The following CHP1 variants were observed in gnomAD, a reference collection of about 807,000 sequenced individuals.
The protein encoded by CHP1 is calcineurin B homologous protein 1.
A neutral mutation model predicts 27.4 loss-of-function variants in CHP1; 11 were observed. The ratio of observed to expected loss-of-function variants is 0.40; its 90% CI spans 0.25 to 0.67. CHP1 has a LOEUF of 0.67. Ranked by LOEUF, CHP1 falls within the 30% of genes least tolerant of loss-of-function variation. CHP1 has a pLI of 0.38. For synonymous variants in CHP1, 89 were observed against 87.4 expected, an observed-to-expected ratio of 1.02 and a Z score of -0.10; for missense variants, 169 against 251.3, an observed-to-expected ratio of 0.67 and a Z score of 2.22.
At position 41,231,296 on chromosome 15, in the gene CHP1, AC is replaced by A. The variant is rs1166949479; in HGVS notation, c.-83del. On this transcript the variant is annotated 5_prime_UTR_variant, in exon 1 of 7. Transcript: ENST00000334660. ...GGAAACACTGCCCTCTCCCTTCTTGACCCCTAGCCCTTCCTTCCCTCCCTCC... is the reference window on the plus strand; with the variant it reads ...GGAAACACTGCCCTCTCCCTTCTTGACCCTAGCCCTTCCTTCCCTCCCTCC... 19 of 1,307,574 alleles carry A rather than the reference AC, an allele frequency of 1.5e-5. No individual in the cohort carries two copies. Among genetic ancestry groups the A allele is most frequent in the Admixed American group, 2.0e-5 (1 of 50,208 alleles). The allele number at this position is 1,307,574 out of a possible 1,614,324, so 81.0% of individuals were successfully genotyped here.
Position 41,243,875 on chromosome 15 carries a change from C to G in CHP1, c.140+136C>G. On this transcript the variant is annotated intron_variant, in intron 2 of 6. Coordinates refer to ENST00000334660, the MANE Select transcript of CHP1 (RefSeq NM_007236.5). ...TAGCAAGGACCATTTCTCTACTGGT[C>G]TTTGAGCATCATTGATCCACAAGAG... 5 of 689,128 alleles carry G rather than the reference C, an allele frequency of 7.3e-6. No individual in the cohort carries two copies. The East Asian group carries it at 1.4e-4, about 19-fold the overall frequency. 42.7% of individuals were successfully genotyped at this position (689,128 alleles called of 1,614,324 possible).
chr15:41,265,990 A>G (rs2047458107), intron 4 of CHP1, among the ~76,000 whole-genome samples: 1 of 151,912 alleles, frequency 6.6e-6, no homozygotes, highest in Non-Finnish European at 1.5e-5. Flanking sequence ...GGTTATAATA[A>G]TGCTTTCTGT....
At chr15:41,262,981 C>G (rs1241041970) in intron 4 of CHP1, 98 bp downstream of exon 4, 6 of 1,469,404 alleles carry the variant, frequency 4.1e-6, no homozygotes, top group Non-Finnish European at 5.6e-6. Flanking sequence ...TCTACAAGAG[C>G]ATACTGGTTA....
At chr15:41,235,805 C>G (rs1297679487) in intron 1 of CHP1, among the ~76,000 whole-genome samples, 1 of 152,154 alleles carries the variant, frequency 6.6e-6, no homozygotes, top group Non-Finnish European at 1.5e-5. Context: ...AATTCAACTT[C>G]AGGTTTCTCG....
At chr15:41,267,736 GCCTGGGCAACAGAA>G (rs1197733216) in intron 4 of CHP1, among the ~76,000 whole-genome samples, 4 of 150,016 alleles carry the variant, frequency 2.7e-5, no homozygotes, top group Non-Finnish European at 5.9e-5. Flanking sequence ...GGGCAACAGA[GCCTGGGCAACAGAA>G]CCTGGGCAAC....
At chr15:41,241,015 G>C (rs896623902) in intron 1 of CHP1, among the ~76,000 whole-genome samples, 1 of 152,032 alleles carries the variant, frequency 6.6e-6, no homozygotes, top group Non-Finnish European at 1.5e-5. Context: ...ACCACACCCA[G>C]CAGATTTTTG....
chr15:41,257,684 G>A (rs926908235), intron 3 of CHP1, among the ~76,000 whole-genome samples: 14 of 151,402 alleles, frequency 9.2e-5, no homozygotes, highest in African/African-American at 3.2e-4. Context: ...CTCAGCCTCC[G>A]AGATAGTTGG....
chr15:41,233,014 C>T (rs1336391493), intron 1 of CHP1, among the ~76,000 whole-genome samples: 1 of 152,192 alleles, frequency 6.6e-6, no homozygotes, highest in Non-Finnish European at 1.5e-5. Context: ...GTAACCTCTC[C>T]ACCTACCAAG....
intron 4 of CHP1, among the ~76,000 whole-genome samples, chr15:41,269,139 G>C (rs1455422251): frequency 6.6e-6 from 1 of 151,502 alleles, no homozygotes; most frequent in African/African-American, 2.4e-5. Context: ...GGAGGTTGAG[G>C]CTGTAGTGAG....
chr15:41,254,977 A>G (rs1299917759), intron 2 of CHP1, among the ~76,000 whole-genome samples: 1 of 152,198 alleles, frequency 6.6e-6, no homozygotes, highest in Non-Finnish European at 1.5e-5. Context: ...AGAACAATAC[A>G]AGATAACTTT....
chr15:41,259,182 T>G (rs1216386726), intron 3 of CHP1, among the ~76,000 whole-genome samples: 1 of 152,220 alleles, frequency 6.6e-6, no homozygotes, highest in Non-Finnish European at 1.5e-5. Flanking sequence ...ACAGCTATGC[T>G]TTGTATCCAA....
chr15:41,264,485 G>A (rs2047450532), intron 4 of CHP1, among the ~76,000 whole-genome samples: 1 of 152,164 alleles, frequency 6.6e-6, no homozygotes, highest in African/African-American at 2.4e-5. Flanking sequence ...TGTCACCCAG[G>A]CTGAGTGCAG....
At chr15:41,259,066 A>G (rs1413171445) in intron 3 of CHP1, among the ~76,000 whole-genome samples, 1 of 152,156 alleles carries the variant, frequency 6.6e-6, no homozygotes, top group Non-Finnish European at 1.5e-5. Flanking sequence ...TCTCTCCTTG[A>G]ACTGCCCTGT....
At chr15:41,246,480 C>T (rs1170329730) in intron 2 of CHP1, among the ~76,000 whole-genome samples, 2 of 151,582 alleles carry the variant, frequency 1.3e-5, no homozygotes, top group African/African-American at 2.4e-5. Flanking sequence ...ACACCACGCC[C>T]TGCTAATTTC....
chr15:41,236,515 G>A (rs573013810), intron 1 of CHP1, among the ~76,000 whole-genome samples: 7 of 152,148 alleles, frequency 4.6e-5, no homozygotes, highest in Non-Finnish European at 8.8e-5. Flanking sequence ...GCTCATCCCA[G>A]TCCCCCAAAG....
At chr15:41,232,421 G>A (rs111816122) in intron 1 of CHP1, among the ~76,000 whole-genome samples, 1 of 151,852 alleles carries the variant, frequency 6.6e-6, no homozygotes, top group East Asian at 1.9e-4. Flanking sequence ...ATGTTGGCCC[G>A]GCTGGCCTCG....
chr15:41,256,899 T>C lies in CHP1; in HGVS notation c.141-11T>C. 1.2e-6 allele frequency: 2 copies of C among 1,613,648 alleles called. No homozygotes were observed. The highest frequency in any genetic ancestry group is 2.7e-5 in the African/African-American group (2 of 75,036). The stretch of plus-strand genomic sequence containing the variant: ...TGATCTCTATCTAACTCAAGGTGAT[T>C]CTCTTGGCAGCCGGGAAGATTTCCA... On this transcript the variant is annotated splice_polypyrimidine_tract_variant and intron_variant, in intron 2 of 6. Coordinates refer to ENST00000334660, the MANE Select transcript of CHP1 (RefSeq NM_007236.5).
At chr15:41,273,336 A>G (rs2047500916) in intron 5 of CHP1, among the ~76,000 whole-genome samples, 1 of 152,202 alleles carries the variant, frequency 6.6e-6, no homozygotes, top group African/African-American at 2.4e-5. Flanking sequence ...CCATAGAAAA[A>G]TGTAATTGAT....
At chr15:41,233,647 C>T (rs998082066) in intron 1 of CHP1, among the ~76,000 whole-genome samples, 1 of 152,164 alleles carries the variant, frequency 6.6e-6, no homozygotes, top group African/African-American at 2.4e-5. Context: ...CGCCCCCAAC[C>T]TGGTTGGGGA....
Sources: allele counts gnomAD v4.1 joint callset (sites outside exome capture counted in the v4.1 genomes callset), GRCh38; gene constraint gnomAD v4.1.1; transcripts MANE v1.5; gene names NCBI Gene and HGNC (gene_info 2026-07-23, HGNC 2026-07-21).